UPK1A: variants seen among roughly 807,000 people sequenced by gnomAD.
UPK1A encodes uroplakin-1a.
Under a neutral mutation model 32.3 loss-of-function variants are expected in UPK1A, and 31 were observed. That is an observed-to-expected ratio of 0.96 (90% CI 0.72 to 1.30). The LOEUF (loss-of-function observed/expected upper bound fraction) is 1.30, where lower values mean the gene tolerates loss of function less well. Ranked by LOEUF, UPK1A falls within the 50% of genes most tolerant of loss-of-function variation. UPK1A has a pLI of 0.00. For missense variants in UPK1A, 340 were observed against 357.4 expected (o/e 0.95, Z 0.39); for synonymous variants, 135 against 137.1 (o/e 0.98, Z 0.11).
At chr19:35,671,353 C>G (rs1375880748) in intron 3 of UPK1A, among the ~76,000 whole-genome samples, 2 of 136,670 alleles carry the variant, frequency 1.5e-5, no homozygotes, top group Non-Finnish European at 1.6e-5. Context: ...CGCCACTGCA[C>G]TCCAGCCTGG....
At chr19:35,668,149 G>A in intron 2 of UPK1A, 4 of 460,338 alleles carry the variant, frequency 8.7e-6, no homozygotes, top group South Asian at 8.4e-5. Flanking sequence ...GCACTGTCAA[G>A]GGAGGGCAGA....
At chr19:35,674,022 C>T (rs1456403710) in intron 5 of UPK1A, among the ~76,000 whole-genome samples, 4 of 151,626 alleles carry the variant, frequency 2.6e-5, no homozygotes, top group African/African-American at 9.7e-5. Flanking sequence ...CTCAGCTTCC[C>T]GAGTAGCTGG....
chr19:35,672,404 G>A (rs1295228348), intron 3 of UPK1A, among the ~76,000 whole-genome samples: 1 of 152,134 alleles, frequency 6.6e-6, no homozygotes, highest in Non-Finnish European at 1.5e-5. Flanking sequence ...TGGGATTACA[G>A]GCACCCATCA....
rs1204978523 is a variant in UPK1A, at chr19:35,677,740, G to T, written c.649-72G>T. 15 of 1,570,852 alleles carry T rather than the reference G, an allele frequency of 9.5e-6. No homozygotes were observed. In the South Asian group the frequency reaches 1.2e-4, roughly 13 times the overall value. On this transcript the variant is annotated intron_variant, in intron 6 of 7. Coordinates refer to ENST00000617999, the Ensembl canonical transcript of UPK1A. The stretch of plus-strand genomic sequence containing the variant: ...GGAAGGTGGTGACTTTCCCAAGGGC[G>T]CACAGTGACTCTCGCTTTCAGCGGC...
At chr19:35,673,358 G>A in intron 4 of UPK1A, 52 bp downstream of exon 4, 1 of 1,611,908 alleles carries the variant, frequency 6.2e-7, no homozygotes, top group East Asian at 2.2e-5. Context: ...GAGGGGCGAG[G>A]GTCCCGGCGC....
intron 6 of UPK1A, 179 bp downstream of exon 6, chr19:35,676,198 T>TCTTTCTTTCTTTCTTTC (rs576312064): frequency 0.01 from 8,550 of 816,902 alleles, 63 homozygotes; most frequent in Admixed American, 0.019. Context: ...TTTCTTTCTT[T>TCTTTCTTTCTTTCTTTC]TTTTTTTTTC....
intron 3 of UPK1A, among the ~76,000 whole-genome samples, chr19:35,671,534 T>A (rs1372711142): frequency 7.3e-6 from 1 of 136,614 alleles, no homozygotes; most frequent in Admixed American, 7.7e-5. Context: ...CTCGGCTCAC[T>A]GCAAGCTCCG....
At chr19:35,677,953 C>A (rs1968209031) in intron 7 of UPK1A, 22 bp from the exon 8 acceptor site, 2 of 1,589,952 alleles carry the variant, frequency 1.3e-6, no homozygotes, top group Non-Finnish European at 1.7e-6. Context: ...GGAGTGCCCT[C>A]ATCTCGCTGC....
At chr19:35,674,282 T>G (rs1022481647) in intron 5 of UPK1A, among the ~76,000 whole-genome samples, 3 of 146,192 alleles carry the variant, frequency 2.1e-5, no homozygotes, top group African/African-American at 7.6e-5. Context: ...AGTCTTGCTC[T>G]GTCGCCCAGG....
intron 3 of UPK1A, among the ~76,000 whole-genome samples, chr19:35,669,970 A>C (rs1054421573): frequency 6.6e-6 from 1 of 152,208 alleles, no homozygotes; most frequent in Non-Finnish European, 1.5e-5. Context: ...CTCTGTGCTG[A>C]GCGAAACATA....
intron 2 of UPK1A, among the ~76,000 whole-genome samples, chr19:35,667,171 G>C (rs1348795241): frequency 6.6e-6 from 1 of 152,180 alleles, no homozygotes; most frequent in Non-Finnish European, 1.5e-5. Flanking sequence ...CCTCAGCTCA[G>C]AGAAAGTGCC....
At chr19:35,668,252 G>A in intron 2 of UPK1A, 2 of 641,230 alleles carry the variant, frequency 3.1e-6, no homozygotes, top group Non-Finnish European at 5.5e-6. Flanking sequence ...GCTGGGGCGT[G>A]GGGGTCGGTT....
In UPK1A at chr19:35,671,100, G is replaced by C. The variant is rs534641079; in HGVS notation, c.286-2132G>C. On this transcript the variant is annotated intron_variant, in intron 3 of 7. Coordinates refer to ENST00000617999, the Ensembl canonical transcript of UPK1A. ...AGTCACCCAACTAGTTTTAAAAATT[G>C]TGTCTGGGCCGGGCTCGGTGGCTCA... 9.2e-5 allele frequency among the ~76,000 whole-genome samples: 14 copies of C among 152,054 alleles called. No homozygotes were observed. In the South Asian group the frequency reaches 2.9e-3, roughly 32 times the overall value.
exon 8 of UPK1A, chr19:35,678,198 C>T: frequency 1.4e-6 from 1 of 734,070 alleles, no homozygotes; most frequent in Non-Finnish European, 2.1e-6. Flanking sequence ...TCAGGTGTGC[C>T]CTGAAACCCC....
chr19:35,672,902 G>C (rs889856879), intron 3 of UPK1A, among the ~76,000 whole-genome samples: 1 of 150,804 alleles, frequency 6.6e-6, no homozygotes, highest in African/African-American at 2.4e-5. Flanking sequence ...ATTTTTAGTA[G>C]AGAAGGGGTT....
At chr19:35,677,895 G>A (rs371884359) in exon 7 of UPK1A, 50 of 1,611,506 alleles carry the variant, frequency 3.1e-5, no homozygotes, top group South Asian at 9.9e-5. Context: ...TGATGTGGAC[G>A]GTGAGAGGCG....
intron 6 of UPK1A, 67 bp from the exon 7 acceptor site, chr19:35,677,745 G>C: frequency 1.3e-6 from 2 of 1,591,282 alleles, no homozygotes; most frequent in Admixed American, 1.7e-5. Flanking sequence ...AGGGCGCACA[G>C]TGACTCTCGC....
At chr19:35,669,350 A>G (rs954715369) in intron 3 of UPK1A, among the ~76,000 whole-genome samples, 5 of 152,080 alleles carry the variant, frequency 3.3e-5, no homozygotes, top group African/African-American at 4.8e-5. Flanking sequence ...TGCACCTGAC[A>G]CTAGGGTAAG....
chr19:35,676,027 C>CTT lies in UPK1A; in HGVS notation c.648+8_648+9insTT. On this transcript the variant is annotated intron_variant, in intron 6 of 7. Coordinates refer to ENST00000617999, the Ensembl canonical transcript of UPK1A. ...GACTACCTGTTCACCAAGGTGTGGC[C>CTT]GTCTGCCCTGCTCCATCTGTCTATC... 1.2e-6 allele frequency: 2 copies of CTT among 1,610,268 alleles called. No individual in the cohort carries two copies. Among genetic ancestry groups the CTT allele is most frequent in the South Asian group, 1.1e-5 (1 of 90,512 alleles).
Sources: allele counts gnomAD v4.1 joint callset (sites outside exome capture counted in the v4.1 genomes callset), GRCh38; gene constraint gnomAD v4.1.1; transcripts MANE v1.5; gene names NCBI Gene and HGNC (gene_info 2026-07-23, HGNC 2026-07-21).